Variants in HECW1 observed in about 807,000 individuals in gnomAD.
The protein encoded by HECW1 is HECT, C2 and WW domain containing E3 ubiquitin protein ligase 1, also known as E3 ubiquitin-protein ligase HECW1.
Under a neutral mutation model 182.3 loss-of-function variants are expected in HECW1, and 61 were observed. The ratio of observed to expected loss-of-function variants is 0.33; its 90% CI spans 0.27 to 0.41. HECW1 has a LOEUF of 0.41. Among genes scored for constraint, HECW1 ranks in the 10% least tolerant of loss-of-function variants. The probability of loss-of-function intolerance (pLI) is 1.00; values close to 1 mark genes in which losing one functional copy is unlikely to be tolerated. For synonymous variants in HECW1, 859 were observed against 832.6 expected (o/e 1.03, Z -0.55); for missense variants, 1,739 against 2,108.9 (o/e 0.82, Z 3.44).
intron 5 of HECW1, among the ~76,000 whole-genome samples, chr7:43,353,899 C>T (rs973613064): frequency 6.6e-6 from 1 of 152,130 alleles, no homozygotes; most frequent in African/African-American, 2.4e-5. Flanking sequence ...CCAAAGGAGA[C>T]ACTAAATCAG....
At chr7:43,230,354 A>G (rs545561886) in intron 2 of HECW1, among the ~76,000 whole-genome samples, 2 of 152,212 alleles carry the variant, frequency 1.3e-5, no homozygotes, top group Non-Finnish European at 2.9e-5. Flanking sequence ...AGATCGCACC[A>G]CTGTACTCCA....
intron 3 of HECW1, chr7:43,258,565 T>G (rs985105981): frequency 6.6e-6 from 1 of 152,132 alleles, no homozygotes; most frequent in Non-Finnish European, 1.5e-5. Flanking sequence ...TCTCCAAAAC[T>G]GGATTAAGCC....
intron 5 of HECW1, among the ~76,000 whole-genome samples, chr7:43,357,719 A>G (rs1173195314): frequency 1.3e-5 from 2 of 151,736 alleles, no homozygotes. Context: ...TTATATATTT[A>G]TATGTATTTA....
chr7:43,266,259 C>G (rs1801780224), intron 3 of HECW1, among the ~76,000 whole-genome samples: 1 of 152,142 alleles, frequency 6.6e-6, no homozygotes, highest in African/African-American at 2.4e-5. Flanking sequence ...ACCATAAACT[C>G]TGGTAGGGGT....
At chr7:43,326,397 C>T (rs950944616) in intron 5 of HECW1, among the ~76,000 whole-genome samples, 8 of 152,200 alleles carry the variant, frequency 5.3e-5, no homozygotes, top group East Asian at 1.9e-4. Context: ...AGCATGATGG[C>T]CACGGTGACT....
chr7:43,199,629 G>A (rs892298903), intron 2 of HECW1, among the ~76,000 whole-genome samples: 4 of 151,980 alleles, frequency 2.6e-5, no homozygotes, highest in South Asian at 2.1e-4. Flanking sequence ...TGTAAGCATC[G>A]AGTTTTTATA....
chr7:43,320,780 G>A (rs754562048), intron 5 of HECW1, 38 bp downstream of exon 5: 12 of 1,432,818 alleles, frequency 8.4e-6, no homozygotes, highest in Non-Finnish European at 1.1e-5. Flanking sequence ...TGGCAGACAT[G>A]GATGAAGCAG....
chr7:43,444,911 A>G lies in HECW1; in HGVS notation c.1739A>G (p.Glu580Gly). 6.2e-7 allele frequency: 1 copy of G among 1,601,242 alleles called. No individual in the cohort carries two copies. The highest frequency in any genetic ancestry group is 1.1e-5 in the South Asian group (1 of 89,528). The change falls in exon 11 of 30, where the codon GAG becomes GGG. Residue 580 changes from glutamate (E) to glycine (G), a missense_variant. This residue lies in a region of HECW1 where 971 missense variants were observed against 1,029.1 expected (regional missense o/e 0.94). Coordinates refer to ENST00000395891, the MANE Select transcript of HECW1 (RefSeq NM_015052.5). This position sits in a 1 kb window ranked among gnomAD's most constrained non-coding sequence, Gnocchi z 4.3. Reference sequence around the variant, plus strand: ...TCCGCCCAGGGCGGCAGCGCGGCAGAGGAGGAGGACGGCGCGGAGGAGGAG... The same window carrying G: ...TCCGCCCAGGGCGGCAGCGCGGCAGGGGAGGAGGACGGCGCGGAGGAGGAG... ...MPSAQGGSAA[E>G]EEDGAEEEST...
intron 3 of HECW1, among the ~76,000 whole-genome samples, chr7:43,289,743 T>C (rs1185007290): frequency 6.6e-6 from 1 of 152,208 alleles, no homozygotes; most frequent in East Asian, 1.9e-4. Flanking sequence ...CCTGAGAAAG[T>C]GTGGCCCAGG....
chr7:43,479,513 C>G lies in HECW1; in HGVS notation c.3100-97C>G, dbSNP rs908039109. ...TAGGGGAGGCTGGGCAGAAATAAAC[C>G]TGAGGCCTGGGCCCTGTAGCACTCC... On this transcript the variant is annotated intron_variant, in intron 16 of 29. Transcript: ENST00000395891. The G allele has an allele frequency of 6.4e-6, 9 of 1,414,780 alleles. No individual in the cohort carries two copies. In the African/African-American group the frequency reaches 1.3e-4, roughly 20 times the overall value. 87.6% of individuals were successfully genotyped at this position (1,414,780 alleles called of 1,614,324 possible). A position where few individuals can be genotyped will look rare whatever the true frequency, so the allele number is the denominator to read the frequency against.
chr7:43,124,275 T>C, intron 2 of HECW1, among the ~76,000 whole-genome samples: 1 of 152,230 alleles, frequency 6.6e-6, no homozygotes, highest in Middle Eastern at 3.2e-3. Context: ...ATTTAGCACA[T>C]GTTGGTATAA....
At chr7:43,521,135 C>T (rs781679586) in intron 24 of HECW1, among the ~76,000 whole-genome samples, 3 of 152,180 alleles carry the variant, frequency 2.0e-5, no homozygotes, top group Non-Finnish European at 4.4e-5. Context: ...TTGACGGATG[C>T]GTCTCTCAGA....
intron 9 of HECW1, among the ~76,000 whole-genome samples, chr7:43,441,859 G>T (rs983118483): frequency 6.6e-6 from 1 of 152,150 alleles, no homozygotes; most frequent in African/African-American, 2.4e-5. Flanking sequence ...ACAAAAACAG[G>T]TGGTGGGCCA....
chr7:43,125,635 G>A (rs1217678625), intron 2 of HECW1, among the ~76,000 whole-genome samples: 1 of 151,712 alleles, frequency 6.6e-6, no homozygotes, highest in East Asian at 1.9e-4. Context: ...TCACATGGCT[G>A]TAATCCCAGC....
At chr7:43,501,089 C>A (rs1218379263) in intron 20 of HECW1, 124 bp from the exon 21 acceptor site, 3 of 620,984 alleles carry the variant, frequency 4.8e-6, no homozygotes, top group Non-Finnish European at 8.5e-6. Flanking sequence ...ACATTTAAAT[C>A]TAATTGCTTT....
chr7:43,390,823 A>G (rs1159525188), intron 6 of HECW1, among the ~76,000 whole-genome samples: 1 of 152,174 alleles, frequency 6.6e-6, no homozygotes, highest in African/African-American at 2.4e-5. Context: ...TAGGTTAAAC[A>G]TTAAAAGCTG....
Position 43,562,469 on chromosome 7 carries a change from A to G in HECW1, c.*543A>G, listed in dbSNP as rs2082234209. 6 of 228,080 alleles carry G rather than the reference A, an allele frequency of 2.6e-5. No individual in the cohort carries two copies. Among genetic ancestry groups the G allele is most frequent in the Non-Finnish European group, 4.4e-5 (5 of 114,800 alleles). 14.1% of individuals were successfully genotyped at this position (228,080 alleles called of 1,614,324 possible). The stretch of plus-strand genomic sequence containing the variant: ...ATCCATCCAAAGGACAACAGTGGCA[A>G]AGCTGAAATTTTTATACATTCAACT... On this transcript the variant is annotated 3_prime_UTR_variant, in exon 30 of 30. Transcript: ENST00000395891.
chr7:43,479,873 C>T, intron 17 of HECW1, 129 bp downstream of exon 17: 5 of 1,063,742 alleles, frequency 4.7e-6, no homozygotes, highest in Admixed American at 2.1e-5. Context: ...GCCATATGCA[C>T]CCTGCTTTGT....
At chr7:43,527,161 T>C (rs1294253647) in intron 24 of HECW1, among the ~76,000 whole-genome samples, 1 of 152,180 alleles carries the variant, frequency 6.6e-6, no homozygotes, top group African/African-American at 2.4e-5. Flanking sequence ...ATTAAATATA[T>C]TACTTTAGTG....
Sources: gnomAD v4.1 joint callset for allele counts (sites outside exome capture counted in the v4.1 genomes callset) on GRCh38, gnomAD v4.1.1 for gene constraint, gnomAD v4.1.1 regional missense constraint, Gnocchi (gnomAD v3.1) non-coding constraint, MANE v1.5 for transcripts, NCBI Gene and HGNC (gene_info 2026-07-23, HGNC 2026-07-21) for gene names.